The following KCNAB1 variants were observed in gnomAD, a reference collection of about 807,000 sequenced individuals.
The protein encoded by KCNAB1 is voltage-gated potassium channel subunit beta-1.
A neutral mutation model predicts 64.6 loss-of-function variants in KCNAB1; 35 were observed. That is an observed-to-expected ratio of 0.54 (90% CI 0.41 to 0.72). The LOEUF is 0.72. KCNAB1 is among the 30% of genes least tolerant of loss of function. The pLI is 0.00. For synonymous variants in KCNAB1, 177 were observed against 183.8 expected, an observed-to-expected ratio of 0.96 and a Z score of 0.30; for missense variants, 401 against 512.9, an observed-to-expected ratio of 0.78 and a Z score of 2.11.
chr3:156,426,308 A>C (rs1284965097), intron 2 of KCNAB1, among the ~76,000 whole-genome samples: 1 of 152,110 alleles, frequency 6.6e-6, no homozygotes, highest in Non-Finnish European at 1.5e-5. Context: ...TATTATTTTA[A>C]AAAAATAGAC....
intron 8 of KCNAB1, among the ~76,000 whole-genome samples, chr3:156,484,765 C>A (rs529180119): frequency 1.3e-5 from 2 of 152,136 alleles, no homozygotes; most frequent in South Asian, 4.2e-4. Flanking sequence ...CAAATACCCT[C>A]GAGTCTCTCT....
chr3:156,373,003 G>A (rs1576787225), intron 1 of KCNAB1, among the ~76,000 whole-genome samples: 4 of 152,288 alleles, frequency 2.6e-5, no homozygotes, highest in Admixed American at 6.5e-5. Context: ...AAATGCTTCT[G>A]GGCTAAATGC....
chr3:156,404,912 A>G (rs1423893962), intron 1 of KCNAB1, among the ~76,000 whole-genome samples: 2 of 152,226 alleles, frequency 1.3e-5, no homozygotes, highest in African/African-American at 4.8e-5. Flanking sequence ...GGGAAAATGA[A>G]AAGAAAGGAA....
intron 1 of KCNAB1, among the ~76,000 whole-genome samples, chr3:156,381,741 T>C (rs1712171622): frequency 6.6e-6 from 1 of 152,210 alleles, no homozygotes; most frequent in African/African-American, 2.4e-5. Flanking sequence ...TCTAACACAC[T>C]ACTACTACCT....
At chr3:156,183,183 G>A (rs1712980573) in intron 1 of KCNAB1, among the ~76,000 whole-genome samples, 1 of 152,104 alleles carries the variant, frequency 6.6e-6, no homozygotes, top group Non-Finnish European at 1.5e-5. Context: ...CACGACAAGG[G>A]GTGGAGTTGG....
chr3:156,498,856 G>T (rs114704003), intron 8 of KCNAB1, among the ~76,000 whole-genome samples: 2 of 152,340 alleles, frequency 1.3e-5, no homozygotes, highest in African/African-American at 4.8e-5. Flanking sequence ...TCAAGATGCT[G>T]AAGCATTTCT....
intron 1 of KCNAB1, among the ~76,000 whole-genome samples, chr3:156,317,901 G>C (rs1328266714): frequency 1.3e-5 from 2 of 151,916 alleles, no homozygotes; most frequent in African/African-American, 4.9e-5. Flanking sequence ...AGCAATATTA[G>C]CATATTGCTT....
chr3:156,324,904 A>G (rs2108032491), intron 1 of KCNAB1, among the ~76,000 whole-genome samples: 1 of 152,174 alleles, frequency 6.6e-6, no homozygotes, highest in South Asian at 2.1e-4. Context: ...CTAGAATCAT[A>G]GGTTTTCTTC....
intron 1 of KCNAB1, among the ~76,000 whole-genome samples, chr3:156,381,385 T>C (rs991222639): frequency 2.6e-5 from 4 of 152,106 alleles, no homozygotes; most frequent in Non-Finnish European, 4.4e-5. Context: ...ATTCTGGTGA[T>C]AATGAGGAGA....
chr3:156,392,810 A>G (rs1713145581), intron 1 of KCNAB1, among the ~76,000 whole-genome samples: 2 of 152,238 alleles, frequency 1.3e-5, no homozygotes, highest in Admixed American at 1.3e-4. Flanking sequence ...TGTAAATCCA[A>G]CTGGGTTATG....
In KCNAB1 at chr3:156,221,372, A is replaced by T. The variant is rs1224615430; in HGVS notation, c.275+100486A>T. Among the ~76,000 whole-genome samples the T allele has an allele frequency of 2.6e-5, 4 of 152,264 alleles. No homozygotes were observed. The East Asian group carries it at 7.7e-4, about 29-fold the overall frequency. ...ATCTTAAGAGCTGTGAGGCAAAAGC[A>T]TCAGGTAACCTATAAAGGAAAACCT... On this transcript the variant is annotated intron_variant, in intron 1 of 13. Coordinates refer to ENST00000490337, the MANE Select transcript of KCNAB1 (RefSeq NM_172160.3).
intron 1 of KCNAB1, among the ~76,000 whole-genome samples, chr3:156,310,531 T>C (rs564579776): frequency 3.6e-4 from 55 of 152,182 alleles, no homozygotes; most frequent in South Asian, 1.9e-3. Context: ...CTGCTGGGCA[T>C]GGTGGCTTAC....
At chr3:156,436,308 G>A (rs1716583213) in intron 2 of KCNAB1, among the ~76,000 whole-genome samples, 1 of 152,140 alleles carries the variant, frequency 6.6e-6, no homozygotes, top group Non-Finnish European at 1.5e-5. Context: ...TCTTTATCCA[G>A]TCTATCGTTG....
At chr3:156,211,307 C>A (rs1303105974) in intron 1 of KCNAB1, among the ~76,000 whole-genome samples, 1 of 152,194 alleles carries the variant, frequency 6.6e-6, no homozygotes, top group African/African-American at 2.4e-5. Context: ...CTGCCTGATG[C>A]ATTCCAGCAA....
At chr3:156,248,683 G>A (rs573380041) in intron 1 of KCNAB1, among the ~76,000 whole-genome samples, 447 of 152,150 alleles carry the variant, frequency 2.9e-3, no homozygotes, top group South Asian at 5.6e-3. Context: ...TAACATATCC[G>A]AAGTCACATG....
At chr3:156,196,160 A>G (rs1237083655) in intron 1 of KCNAB1, among the ~76,000 whole-genome samples, 7 of 152,004 alleles carry the variant, frequency 4.6e-5, no homozygotes, top group African/African-American at 1.7e-4. Context: ...CTGTTTTGGT[A>G]CCATTACCAT....
chr3:156,530,205 G>A lies in KCNAB1; in HGVS notation c.1082-1204G>A, dbSNP rs192850554. 3.9e-5 allele frequency among the ~76,000 whole-genome samples: 6 copies of A among 152,284 alleles called. No homozygotes were observed. The East Asian group carries it at 9.6e-4, about 24-fold the overall frequency. On this transcript the variant is annotated intron_variant, in intron 12 of 13. Transcript: ENST00000490337. ...AATTTTGAAATGGGGTGATGGGGGC[G>A]GTGGGATCATGTATGAATCAAGTCC...
At chr3:156,533,605 G>A (rs1422886739) in intron 13 of KCNAB1, among the ~76,000 whole-genome samples, 1 of 152,122 alleles carries the variant, frequency 6.6e-6, no homozygotes, top group Admixed American at 6.5e-5. Flanking sequence ...TTGAATGTCT[G>A]AAGGTCACTC....
At chr3:156,165,277 C>CA (rs35419424) in intron 1 of KCNAB1, among the ~76,000 whole-genome samples, 4,047 of 27,004 alleles carry the variant, frequency 0.15, 793 homozygotes, top group Middle Eastern at 0.27. Context: ...GACTCCGTCT[C>CA]AAAAAAAAAA....
Sources: allele counts gnomAD v4.1 joint callset (sites outside exome capture counted in the v4.1 genomes callset), GRCh38; gene constraint gnomAD v4.1.1; transcripts MANE v1.5; gene names NCBI Gene and HGNC (gene_info 2026-07-23, HGNC 2026-07-21).